The following WDR70 variants were observed in gnomAD, a reference collection of about 807,000 sequenced individuals.
WDR70 encodes the protein WD repeat domain 70.
WDR70 carries 53 observed loss-of-function variants against 88.6 expected under a neutral mutation model. That is an observed-to-expected ratio of 0.60 (90% CI 0.48 to 0.75). The LOEUF (loss-of-function observed/expected upper bound fraction) is 0.75, where lower values mean the gene tolerates loss of function less well. Among genes scored for constraint, WDR70 ranks in the 30% least tolerant of loss-of-function variants. The pLI is 0.00. For synonymous variants in WDR70, 280 were observed against 270.0 expected, an observed-to-expected ratio of 1.04 and a Z score of -0.36; for missense variants, 610 against 823.2, an observed-to-expected ratio of 0.74 and a Z score of 3.17.
chr5:37,514,981 AC>A lies in WDR70; in HGVS notation c.841-1529del, dbSNP rs1269902706. 2.6e-5 allele frequency among the ~76,000 whole-genome samples: 4 copies of A among 151,040 alleles called. No homozygotes were observed. In the East Asian group the frequency reaches 7.8e-4, roughly 29 times the overall value. ...CAGTAAGCTGTGAACATGCCACTGTACCCCAGCCTAGGTGACTGAGTGAGAC... is the reference window on the plus strand; with the variant it reads ...CAGTAAGCTGTGAACATGCCACTGTACCCAGCCTAGGTGACTGAGTGAGAC... On this transcript the variant is annotated intron_variant, in intron 8 of 17. Coordinates refer to ENST00000265107, the MANE Select transcript of WDR70 (RefSeq NM_018034.4).
intron 10 of WDR70, among the ~76,000 whole-genome samples, chr5:37,643,600 T>C (rs1173842509): frequency 6.6e-6 from 1 of 152,068 alleles, no homozygotes; most frequent in Non-Finnish European, 1.5e-5. Context: ...TTTAACAATA[T>C]TGATTCTTCC....
intron 4 of WDR70, among the ~76,000 whole-genome samples, chr5:37,395,173 ACT>A (rs1415654304): frequency 9.9e-5 from 15 of 152,220 alleles, no homozygotes; most frequent in Non-Finnish European, 1.8e-4. Context: ...TGAATGCTCA[ACT>A]CTGGCGGCAG....
At chr5:37,621,446 T>A (rs958921828) in intron 10 of WDR70, among the ~76,000 whole-genome samples, 1 of 151,492 alleles carries the variant, frequency 6.6e-6, no homozygotes, top group Non-Finnish European at 1.5e-5. Context: ...AGACACCCCA[T>A]ACCTATTAAG....
At chr5:37,515,019 G>GA (rs770128168) in intron 8 of WDR70, among the ~76,000 whole-genome samples, 370 of 52,984 alleles carry the variant, frequency 7.0e-3, no homozygotes, top group Middle Eastern at 9.1e-3. Flanking sequence ...CCTGTCTCAA[G>GA]AAAAAAAAAA....
chr5:37,504,222 T>C (rs1164604673), intron 8 of WDR70, among the ~76,000 whole-genome samples: 1 of 152,172 alleles, frequency 6.6e-6, no homozygotes. Context: ...CTTTGTCAAA[T>C]ATTAAATATC....
chr5:37,464,396 T>G (rs1739098019), intron 7 of WDR70, among the ~76,000 whole-genome samples: 1 of 152,216 alleles, frequency 6.6e-6, no homozygotes, highest in Admixed American at 6.5e-5. Context: ...TGCCTGAAAT[T>G]TGATCTATCA....
chr5:37,553,439 T>G (rs768162519), intron 9 of WDR70, among the ~76,000 whole-genome samples: 5 of 152,210 alleles, frequency 3.3e-5, no homozygotes, highest in Admixed American at 3.3e-4. Flanking sequence ...TTTTTCAAAC[T>G]GAATGTTAAG....
chr5:37,440,150 A>T (rs999196866), intron 6 of WDR70, among the ~76,000 whole-genome samples: 6 of 152,130 alleles, frequency 3.9e-5, no homozygotes, highest in Non-Finnish European at 8.8e-5. Flanking sequence ...ATATCTCTAT[A>T]AGATTTTGTG....
At chr5:37,505,608 G>C (rs1004396637) in intron 8 of WDR70, 8 of 732,256 alleles carry the variant, frequency 1.1e-5, no homozygotes, top group African/African-American at 1.0e-4. Flanking sequence ...ACTTCTTCTA[G>C]ACAACTGAGT....
intron 5 of WDR70, among the ~76,000 whole-genome samples, chr5:37,431,157 TATATTTAAA>T (rs1750292106): frequency 6.6e-6 from 1 of 152,196 alleles, no homozygotes; most frequent in Non-Finnish European, 1.5e-5. Flanking sequence ...CCTGGCCATA[TATATTTAAA>T]GTTCTGACTG....
chr5:37,550,881 A>G (rs942729601), intron 9 of WDR70, among the ~76,000 whole-genome samples: 12 of 151,654 alleles, frequency 7.9e-5, no homozygotes, highest in Non-Finnish European at 1.2e-4. Flanking sequence ...TTTTTTGTGT[A>G]TCTGTTGTAT....
chr5:37,610,850 G>A (rs1206586903), intron 10 of WDR70, among the ~76,000 whole-genome samples: 1 of 152,100 alleles, frequency 6.6e-6, no homozygotes, highest in East Asian at 1.9e-4. Flanking sequence ...GAGTAATAAT[G>A]TTCATAGTTT....
At chr5:37,645,224 C>T (rs1173212199) in intron 10 of WDR70, among the ~76,000 whole-genome samples, 1 of 151,280 alleles carries the variant, frequency 6.6e-6, no homozygotes, top group Non-Finnish European at 1.5e-5. Flanking sequence ...CTTCTTAATC[C>T]CTTCATTGAC....
chr5:37,570,527 G>A (rs1475305976), intron 9 of WDR70, among the ~76,000 whole-genome samples: 1 of 152,074 alleles, frequency 6.6e-6, no homozygotes, highest in Non-Finnish European at 1.5e-5. Flanking sequence ...TTTCACTTTT[G>A]AGAAAAGGAC....
intron 4 of WDR70, among the ~76,000 whole-genome samples, chr5:37,392,445 A>G (rs890320257): frequency 6.6e-6 from 1 of 151,730 alleles, no homozygotes; most frequent in Non-Finnish European, 1.5e-5. Flanking sequence ...CAGCCTCCCA[A>G]AGTGCTGGGA....
At chr5:37,720,219 C>A (rs1227626200) in intron 13 of WDR70, among the ~76,000 whole-genome samples, 1 of 152,204 alleles carries the variant, frequency 6.6e-6, no homozygotes, top group Admixed American at 6.5e-5. Context: ...TATAGTTTGA[C>A]AAGTGATAGA....
At chr5:37,709,515 G>A (rs1394860005) in intron 13 of WDR70, among the ~76,000 whole-genome samples, 2 of 151,916 alleles carry the variant, frequency 1.3e-5, no homozygotes, top group Admixed American at 1.3e-4. Flanking sequence ...GAGTTTCAGA[G>A]CACTGGTTGT....
chr5:37,590,713 G>A (rs1203963964), intron 9 of WDR70, among the ~76,000 whole-genome samples: 3 of 152,094 alleles, frequency 2.0e-5, no homozygotes, highest in Non-Finnish European at 2.9e-5. Context: ...CCAAGGAATG[G>A]TGCCAGCCAC....
intron 7 of WDR70, among the ~76,000 whole-genome samples, chr5:37,443,646 A>G (rs990124675): frequency 4.1e-4 from 62 of 152,224 alleles, no homozygotes; most frequent in Non-Finnish European, 7.5e-4. Context: ...TGAGGCCTGG[A>G]GTTTGAGACC....
Sources: allele counts gnomAD v4.1 joint callset (sites outside exome capture counted in the v4.1 genomes callset), GRCh38; gene constraint gnomAD v4.1.1; transcripts MANE v1.5; gene names NCBI Gene and HGNC (gene_info 2026-07-23, HGNC 2026-07-21).